ABLIM3: variants seen among roughly 807,000 people sequenced by gnomAD.
ABLIM3 encodes actin-binding LIM protein 3.
In ABLIM3, 61 loss-of-function variants were observed where a neutral mutation model predicts 109.5. That is an observed-to-expected ratio of 0.56 (90% CI 0.45 to 0.69). ABLIM3 has a LOEUF of 0.69. ABLIM3 is among the 30% of genes least tolerant of loss of function. ABLIM3 has a pLI of 0.00. For missense variants in ABLIM3, 796 were observed against 889.5 expected (o/e 0.89, Z 1.34); for synonymous variants, 300 against 324.8 (o/e 0.92, Z 0.82).
At chr5:149,218,379 C>G (rs1298629696) in intron 8 of ABLIM3, 7 of 152,296 alleles carry the variant, frequency 4.6e-5, no homozygotes, top group Non-Finnish European at 1.0e-4. Context: ...GCCCTACCTC[C>G]TAAGACCATC....
In ABLIM3 at chr5:149,258,635, A is replaced by G; in HGVS notation, c.*231A>G. ...GGATTTGAGGGGACTCTGTCCTTTT[A>G]TTGGGGATCCTTTTTATACTGAAAC... On this transcript the variant is annotated 3_prime_UTR_variant, in exon 24 of 24. Transcript: ENST00000309868. The G allele has an allele frequency of 7.9e-7, 1 of 1,258,228 alleles. No homozygotes were observed. Among genetic ancestry groups the G allele is most frequent in the Non-Finnish European group, 1.0e-6 (1 of 1,001,438 alleles). 77.9% of individuals were successfully genotyped at this position (1,258,228 alleles called of 1,614,324 possible).
At chr5:149,227,669 G>T (rs994614824) in intron 8 of ABLIM3, among the ~76,000 whole-genome samples, 10 of 152,156 alleles carry the variant, frequency 6.6e-5, no homozygotes, top group African/African-American at 2.4e-4. Context: ...AATTTTACCA[G>T]ACTGCAAGAC....
chr5:149,240,234 T>C (rs1752671373), intron 13 of ABLIM3, among the ~76,000 whole-genome samples: 2 of 152,174 alleles, frequency 1.3e-5, no homozygotes, highest in African/African-American at 2.4e-5. Flanking sequence ...AATATGGCTA[T>C]GAACTGGCCT....
chr5:149,161,609 G>C (rs981008361), intron 2 of ABLIM3, among the ~76,000 whole-genome samples: 1 of 152,162 alleles, frequency 6.6e-6, no homozygotes, highest in Non-Finnish European at 1.5e-5. Flanking sequence ...GTTAGAAGAG[G>C]GGTATTCTGG....
chr5:149,216,912 C>A, intron 7 of ABLIM3, 47 bp from the exon 8 acceptor site: 1 of 1,542,496 alleles, frequency 6.5e-7, no homozygotes, highest in Non-Finnish European at 9.0e-7. Context: ...CCCCACTAGA[C>A]AGCAGCCCTG....
chr5:149,237,302 C>T, intron 10 of ABLIM3, 146 bp from the exon 11 acceptor site: 1 of 832,858 alleles, frequency 1.2e-6, no homozygotes, highest in South Asian at 1.8e-5. Context: ...TTCTAACATT[C>T]TACTATTCTT....
intron 2 of ABLIM3, among the ~76,000 whole-genome samples, chr5:149,172,588 CATCT>C (rs1399310637): frequency 1.3e-5 from 2 of 152,160 alleles, no homozygotes; most frequent in Admixed American, 1.3e-4. Flanking sequence ...ACTTTGTGGT[CATCT>C]ATCTGTCTGG....
chr5:149,259,116 T>A lies in ABLIM3; in HGVS notation c.*712T>A. The A allele has an allele frequency of 3.9e-6, 4 of 1,015,966 alleles. No individual in the cohort carries two copies. The highest frequency in any genetic ancestry group is 4.7e-6 in the Non-Finnish European group (4 of 848,706). The allele number at this position is 1,015,966 out of a possible 1,614,324, so 62.9% of individuals were successfully genotyped here. A position where few individuals can be genotyped will look rare whatever the true frequency, so the allele number is the denominator to read the frequency against. On this transcript the variant is annotated 3_prime_UTR_variant, in exon 24 of 24. Coordinates refer to ENST00000309868, the MANE Select transcript of ABLIM3 (RefSeq NM_014945.5). ...TTCCCTTCCCTCCACCACTTCCAAC[T>A]GGCCCCTTTGCCTGACCTGGACTTG...
intron 9 of ABLIM3, 103 bp downstream of exon 9, chr5:149,230,810 G>T: frequency 4.6e-6 from 6 of 1,312,002 alleles, no homozygotes; most frequent in Non-Finnish European, 5.5e-6. Context: ...TCCTTAGTGT[G>T]CACACTCCCA....
chr5:149,219,822 C>T (rs1370341025), intron 8 of ABLIM3: 1 of 152,242 alleles, frequency 6.6e-6, no homozygotes. Context: ...CCCTGGTGAA[C>T]AAACCTCCTA....
chr5:149,216,188 G>A (rs970604742), intron 7 of ABLIM3, among the ~76,000 whole-genome samples: 3 of 152,130 alleles, frequency 2.0e-5, no homozygotes, highest in Non-Finnish European at 4.4e-5. Flanking sequence ...TGTCCTTTGT[G>A]TGCCAGTCTC....
At chr5:149,217,106 C>T (rs1308051805) in intron 8 of ABLIM3, 60 bp downstream of exon 8, 11 of 1,469,732 alleles carry the variant, frequency 7.5e-6, no homozygotes, top group African/African-American at 4.2e-5. Context: ...AAAGGAGATG[C>T]GATCTTCAGG....
chr5:149,201,874 T>A (rs1758525203), intron 5 of ABLIM3, among the ~76,000 whole-genome samples: 1 of 152,038 alleles, frequency 6.6e-6, no homozygotes, highest in African/African-American at 2.4e-5. Context: ...AACTTCTGCA[T>A]GCTGCAAAGC....
At chr5:149,165,660 C>T (rs926044931) in intron 2 of ABLIM3, among the ~76,000 whole-genome samples, 4 of 152,124 alleles carry the variant, frequency 2.6e-5, no homozygotes, top group East Asian at 1.9e-4. Flanking sequence ...TTTGTATGTA[C>T]GCTGCCCTAG....
chr5:149,213,454 C>T (rs781648014), intron 7 of ABLIM3, among the ~76,000 whole-genome samples: 9 of 152,120 alleles, frequency 5.9e-5, no homozygotes, highest in African/African-American at 1.9e-4. Context: ...GCGTGGGCTG[C>T]GGAAAAGCTG....
chr5:149,258,497 A>G lies in ABLIM3; in HGVS notation c.*93A>G. On this transcript the variant is annotated 3_prime_UTR_variant, in exon 24 of 24. Transcript: ENST00000309868. ...GTATAATCCTCTCTTGTGTAATGGGACACACTGCCTGCCATGAGACTTGCT... is the reference window on the plus strand; with the variant it reads ...GTATAATCCTCTCTTGTGTAATGGGGCACACTGCCTGCCATGAGACTTGCT... 1.4e-6 allele frequency: 2 copies of G among 1,431,378 alleles called. No homozygotes were observed. Among genetic ancestry groups the G allele is most frequent in the Non-Finnish European group, 1.8e-6 (2 of 1,097,128 alleles). The allele number at this position is 1,431,378 out of a possible 1,614,324, so 88.7% of individuals were successfully genotyped here. A position where few individuals can be genotyped will look rare whatever the true frequency, so the allele number is the denominator to read the frequency against.
At chr5:149,166,167 G>A (rs1262638025) in intron 2 of ABLIM3, among the ~76,000 whole-genome samples, 2 of 152,130 alleles carry the variant, frequency 1.3e-5, no homozygotes, top group Non-Finnish European at 2.9e-5. Flanking sequence ...GTCCCCACCT[G>A]GTAGGAATCA....
intron 23 of ABLIM3, among the ~76,000 whole-genome samples, chr5:149,254,602 T>C (rs1204529162): frequency 6.6e-6 from 1 of 152,162 alleles, no homozygotes; most frequent in East Asian, 1.9e-4. Flanking sequence ...GAATGTACGT[T>C]AGCCAGGAAG....
chr5:149,196,488 T>C (rs754691431), intron 3 of ABLIM3, among the ~76,000 whole-genome samples: 5 of 152,260 alleles, frequency 3.3e-5, no homozygotes, highest in Non-Finnish European at 7.3e-5. Flanking sequence ...CGAATACCTG[T>C]TCATCAATGT....
Sources: allele counts gnomAD v4.1 joint callset (sites outside exome capture counted in the v4.1 genomes callset), GRCh38; gene constraint gnomAD v4.1.1; transcripts MANE v1.5; gene names NCBI Gene and HGNC (gene_info 2026-07-23, HGNC 2026-07-21).